Variants in MUTYH observed in about 807,000 individuals in gnomAD.
MUTYH encodes mutY DNA glycosylase, also known as adenine DNA glycosylase.
Under a neutral mutation model 72.9 loss-of-function variants are expected in MUTYH, and 64 were observed. The observed-to-expected ratio is 0.88, with a 90% CI of 0.72 to 1.08. The LOEUF is 1.08. Among genes scored for constraint, MUTYH ranks in the 50% least tolerant of loss-of-function variants. MUTYH has a pLI of 0.00. For synonymous variants in MUTYH, 234 were observed against 263.1 expected, an observed-to-expected ratio of 0.89 and a Z score of 1.07; for missense variants, 633 against 671.0, an observed-to-expected ratio of 0.94 and a Z score of 0.63.
intron 14 of MUTYH, 41 bp downstream of exon 14, chr1:45,331,141 G>C: frequency 1.2e-6 from 2 of 1,612,228 alleles, no homozygotes; most frequent in Middle Eastern, 1.7e-4. Context: ...AGAACATGTA[G>C]GAAACACAAG....
At chr1:45,330,697 C>T in intron 14 of MUTYH, 140 bp from the exon 15 acceptor site, 1 of 1,076,112 alleles carries the variant, frequency 9.3e-7, no homozygotes, top group South Asian at 1.4e-5. Flanking sequence ...CGCCTATAAT[C>T]CCAGCATTTT....
At chr1:45,334,575 AG>A (rs1645601067) in intron 1 of MUTYH, 64 bp from the exon 2 acceptor site, 2 of 1,608,678 alleles carry the variant, frequency 1.2e-6, no homozygotes, top group South Asian at 1.1e-5. Flanking sequence ...AGGCCTTCCA[AG>A]GGTGATAGCT....
chr1:45,330,448 T>C lies in MUTYH; in HGVS notation c.1434+68A>G. ...GAATGTTCACCCAGACATTCGTTAG[T>C]TAACTGACTAAAAACCTATGGACTC... is the stretch of plus-strand genomic sequence containing the variant. On this transcript the variant is annotated intron_variant, in intron 15 of 15. Coordinates refer to ENST00000456914, the MANE Select transcript of MUTYH (RefSeq NM_001048174.2). The C allele has an allele frequency of 2.7e-6, 4 of 1,502,754 alleles. No homozygotes were observed. The South Asian group carries it at 3.6e-5, about 13-fold the overall frequency. The allele number at this position is 1,502,754 out of a possible 1,614,324, so 93.1% of individuals were successfully genotyped here.
chr1:45,338,403 A>C, intron 1 of MUTYH: 2 of 437,686 alleles, frequency 4.6e-6, no homozygotes, highest in Non-Finnish European at 8.8e-6. Flanking sequence ...GGACTCTTTT[A>C]TGCTTTTACC....
chr1:45,331,034 G>A lies in MUTYH; in HGVS notation c.1392+148C>T, dbSNP rs149020757. On this transcript the variant is annotated intron_variant, in intron 14 of 15. Coordinates refer to ENST00000456914, the MANE Select transcript of MUTYH (RefSeq NM_001048174.2). ...CGGGAGATGGAGGTTGCAGTCAACC[G>A]AGATAGCGCCATTGCACTCCAGCCT... is the stretch of plus-strand genomic sequence containing the variant. 524 of 1,080,242 alleles carry A rather than the reference G, an allele frequency of 4.9e-4. 1 individual carries two copies. The African/African-American group carries it at 7.0e-3, about 14-fold the overall frequency. The allele number at this position is 1,080,242 out of a possible 1,614,324, so 66.9% of individuals were successfully genotyped here. A position where few individuals can be genotyped will look rare whatever the true frequency, so the allele number is the denominator to read the frequency against.
At position 45,332,235 on chromosome 1, in the gene MUTYH, TG is replaced by T; in HGVS notation, c.779del (p.Thr260LysfsTer31). 1 of 1,614,154 alleles carries T rather than the reference TG, an allele frequency of 6.2e-7. No individual in the cohort carries two copies. The highest frequency in any genetic ancestry group is 1.1e-5 in the South Asian group (1 of 91,086). On this transcript the variant is annotated frameshift_variant, in exon 10 of 16. Coordinates refer to ENST00000456914, the MANE Select transcript of MUTYH (RefSeq NM_001048174.2). LOFTEE classifies it high-confidence loss of function. ...FNQAAMELGATVCTPQRPLCS... is the reference protein window; with the variant it reads ...FNQAAMELGAXVCTPQRPLCS... The stretch of plus-strand genomic sequence containing the variant: ...ACAGTGGGCGCTGTGGGGTACACAC[TG>T]TGGCCCCTAGCTCCATGGCTGCTTG...
Position 45,333,425 on chromosome 1 carries a change from T to C in MUTYH, c.252A>G (p.Pro84=), listed in dbSNP as rs1057520980. Residue 84 remains proline (P), a synonymous_variant, in exon 3 of 16, where the codon CCA becomes CCG. Transcript: ENST00000456914. ...SWYDQEKRDL[P]WRRRAEDEMD... ...CTCGCCTGCCTACCCGTCTTCTCCATGGTAGGTCCCGTTTCTCTTGGTCGT... is the reference window on the plus strand; with the variant it reads ...CTCGCCTGCCTACCCGTCTTCTCCACGGTAGGTCCCGTTTCTCTTGGTCGT... 6.2e-7 allele frequency: 1 copy of C among 1,614,210 alleles called. No individual in the cohort carries two copies. The highest frequency in any genetic ancestry group is 1.1e-5 in the South Asian group (1 of 91,082).
In MUTYH at chr1:45,332,585, C is replaced by T. The variant is rs369854269; in HGVS notation, c.595G>A (p.Ala199Thr). ...GGCTGTGAGATCACCTGGCCAAAGG[C>T]GATAGAGGCAATGGCCCCAGCTGTG... The part of the protein sequence containing the change: ...RYTAGAIASI[A>T]FGQATGVVDG... Residue 199 changes from alanine (A) to threonine (T), a missense_variant, in exon 8 of 16, where the codon GCC (alanine) becomes ACC (threonine). Transcript: ENST00000456914. 5.0e-5 allele frequency: 81 copies of T among 1,613,944 alleles called. No individual in the cohort carries two copies. The highest frequency in any genetic ancestry group is 6.2e-5 in the Non-Finnish European group (73 of 1,180,008).
At chr1:45,332,341 A>G in intron 9 of MUTYH, 31 bp from the exon 10 acceptor site, 1 of 1,614,104 alleles carries the variant, frequency 6.2e-7, no homozygotes, top group Non-Finnish European at 8.5e-7. Context: ...TGTGAAGCAG[A>G]GCTCCTTTGC....
chr1:45,338,725 A>G (rs902021997), intron 1 of MUTYH: 1 of 165,848 alleles, frequency 6.0e-6, no homozygotes, highest in Non-Finnish European at 1.3e-5. Context: ...GGAGAAATCC[A>G]AAGAGTTTTT....
rs750710892 is a variant in MUTYH, at chr1:45,331,867, C to T, written c.914-18G>A. The T allele has an allele frequency of 3.6e-5, 58 of 1,599,548 alleles. No homozygotes were observed. Among genetic ancestry groups the T allele is most frequent in the Middle Eastern group, 1.8e-4 (1 of 5,624 alleles). On this transcript the variant is annotated intron_variant, in intron 11 of 15. Coordinates refer to ENST00000456914, the MANE Select transcript of MUTYH (RefSeq NM_001048174.2). ...GTTGGGAGCTGGGAACGGAGATCCC[C>T]GAACCCTACTCAAGCCAAGAGGGCT...
upstream of MUTYH, chr1:45,340,344 CTCTGGGAGAG>C: frequency 6.3e-7 from 1 of 1,594,362 alleles, no homozygotes; most frequent in East Asian, 2.3e-5. Flanking sequence ...AGCCTCTGCG[CTCTGGGAGAG>C]GGGAAGGCCT....
rs747685912 is a variant in MUTYH, at chr1:45,334,562, T to C, written c.-6-51A>G. 1.5e-5 allele frequency: 25 copies of C among 1,613,072 alleles called. No individual in the cohort carries two copies. In the South Asian group the frequency reaches 1.9e-4, roughly 12 times the overall value. Reference sequence around the variant, plus strand: ...CAGTCAGTCACAATGAGGCCAAATTTTGAGGCCTTCCAAGGGTGATAGCTA... The same window carrying C: ...CAGTCAGTCACAATGAGGCCAAATTCTGAGGCCTTCCAAGGGTGATAGCTA... On this transcript the variant is annotated intron_variant, in intron 1 of 15. Transcript: ENST00000456914.
intron 1 of MUTYH, among the ~76,000 whole-genome samples, chr1:45,335,510 C>G (rs1420221388): frequency 1.3e-5 from 2 of 152,010 alleles, no homozygotes; most frequent in Non-Finnish European, 2.9e-5. Flanking sequence ...TCTTACCCTC[C>G]TCCTCTTCAG....
At chr1:45,335,541 G>A (rs887085693) in intron 1 of MUTYH, among the ~76,000 whole-genome samples, 9 of 151,634 alleles carry the variant, frequency 5.9e-5, no homozygotes, top group Non-Finnish European at 7.4e-5. Context: ...CTCCAATCCC[G>A]TCTAACTGTT....
chr1:45,338,215 C>T, intron 1 of MUTYH: 1 of 529,586 alleles, frequency 1.9e-6, no homozygotes, highest in Non-Finnish European at 3.7e-6. Context: ...ATTTGGCTGC[C>T]ACACCCTTGC....
chr1:45,330,418 G>A, intron 15 of MUTYH, 98 bp downstream of exon 15: 1 of 1,318,000 alleles, frequency 7.6e-7, no homozygotes, highest in Admixed American at 2.0e-5. Context: ...GAAGCCTGGA[G>A]TGGAGAATGT....
rs900137939 is a variant in MUTYH at position 45,330,953 on chromosome 1, C to T, written c.1392+229G>A. Among the ~76,000 whole-genome samples, 19 of 152,214 alleles carry T rather than the reference C, an allele frequency of 1.2e-4. 1 individual carries two copies. Among genetic ancestry groups the T allele is most frequent in the Admixed American group, 6.5e-4 (10 of 15,286 alleles). On this transcript the variant is annotated intron_variant, in intron 14 of 15. Transcript: ENST00000456914. Reference sequence around the variant, plus strand: ...TACAAAAATTAGCCAGGCATGGTGGCGGGCGCCTGTAATCCGAGCTACTCA... The same window carrying T: ...TACAAAAATTAGCCAGGCATGGTGGTGGGCGCCTGTAATCCGAGCTACTCA...
chr1:45,332,174 G>A lies in MUTYH; in HGVS notation c.841C>T (p.Arg281Cys), dbSNP rs138089183. ...QCPVESLCRA[R>C]QRVEQEQLLA... ...TTCCCCAGTAGGCTTACTCTCTGGC[G>A]TGCCCGGCACAGGCTCTCCACAGGG... is the stretch of plus-strand genomic sequence containing the variant. Residue 281 changes from arginine to cysteine, a missense_variant, in exon 10 of 16, where the codon CGC becomes TGC. Coordinates refer to ENST00000456914, the MANE Select transcript of MUTYH (RefSeq NM_001048174.2). 1,121 of 1,614,204 alleles carry A rather than the reference G, an allele frequency of 6.9e-4. 1 individual carries two copies. The highest frequency in any genetic ancestry group is 8.8e-4 in the Non-Finnish European group (1,042 of 1,180,034).
Sources: gnomAD v4.1 joint callset for allele counts (sites outside exome capture counted in the v4.1 genomes callset) on GRCh38, gnomAD v4.1.1 for gene constraint, MANE v1.5 for transcripts, NCBI Gene and HGNC (gene_info 2026-07-23, HGNC 2026-07-21) for gene names.